Variants in HS3ST4 observed in about 807,000 individuals in gnomAD.
HS3ST4 encodes the protein heparan sulfate glucosamine 3-O-sulfotransferase 4.
HS3ST4 carries 17 observed loss-of-function variants against 29.2 expected under a neutral mutation model. The observed-to-expected ratio is 0.58, with a 90% confidence interval of 0.40 to 0.87. The LOEUF (loss-of-function observed/expected upper bound fraction) is 0.87, where lower values mean the gene tolerates loss of function less well. Ranked by LOEUF, HS3ST4 falls within the 40% of genes least tolerant of loss-of-function variation. The pLI is 0.00. For synonymous variants in HS3ST4, 314 were observed against 285.7 expected (o/e 1.10, Z -1.00); for missense variants, 627 against 634.5 (o/e 0.99, Z 0.13).
At chr16:25,819,559 T>G (rs1278205073) in intron 1 of HS3ST4, among the ~76,000 whole-genome samples, 1 of 152,186 alleles carries the variant, frequency 6.6e-6, no homozygotes, top group Non-Finnish European at 1.5e-5. Flanking sequence ...TTCTAGTCAT[T>G]AATCCTCAGA....
intron 1 of HS3ST4, among the ~76,000 whole-genome samples, chr16:25,753,641 A>G (rs963963403): frequency 6.6e-6 from 1 of 152,160 alleles, no homozygotes; most frequent in East Asian, 1.9e-4. Flanking sequence ...AACGAGTCCT[A>G]GTCTCAAGCC....
At chr16:25,905,011 CT>C (rs777598129) in intron 1 of HS3ST4, among the ~76,000 whole-genome samples, 6 of 152,074 alleles carry the variant, frequency 3.9e-5, no homozygotes, top group Non-Finnish European at 5.9e-5. Flanking sequence ...TGCTTTCTAC[CT>C]TTTAAGACCT....
intron 1 of HS3ST4, among the ~76,000 whole-genome samples, chr16:25,725,571 AATAG>A (rs1966529460): frequency 1.3e-5 from 2 of 152,084 alleles, no homozygotes; most frequent in African/African-American, 4.8e-5. Context: ...AGATAATACT[AATAG>A]TTAAATATAT....
At chr16:26,114,305 G>A (rs994925358) in intron 1 of HS3ST4, among the ~76,000 whole-genome samples, 3 of 152,030 alleles carry the variant, frequency 2.0e-5, no homozygotes, top group Non-Finnish European at 4.4e-5. Flanking sequence ...TTTCTGCTCA[G>A]TTGCACCAAA....
intron 1 of HS3ST4, among the ~76,000 whole-genome samples, chr16:25,866,563 C>T (rs1596596128): frequency 6.6e-6 from 1 of 152,088 alleles, no homozygotes; most frequent in Non-Finnish European, 1.5e-5. Context: ...GAACAGAAAA[C>T]CAAACACAGC....
intron 1 of HS3ST4, among the ~76,000 whole-genome samples, chr16:25,730,816 T>A (rs2141593527): frequency 6.6e-6 from 1 of 151,940 alleles, no homozygotes; most frequent in East Asian, 1.9e-4. Context: ...CTTCTATCCC[T>A]CTTCCCTCCC....
chr16:26,103,867 T>C (rs912712608), intron 1 of HS3ST4, among the ~76,000 whole-genome samples: 5 of 152,164 alleles, frequency 3.3e-5, no homozygotes, highest in African/African-American at 1.2e-4. Flanking sequence ...CAGAAGTAGA[T>C]AAAATATAAG....
At chr16:25,846,806 A>G (rs1256592772) in intron 1 of HS3ST4, among the ~76,000 whole-genome samples, 1 of 152,044 alleles carries the variant, frequency 6.6e-6, no homozygotes, top group East Asian at 1.9e-4. Context: ...TCATTCCCCC[A>G]ACAGTGGAGA....
intron 1 of HS3ST4, among the ~76,000 whole-genome samples, chr16:25,800,960 A>G (rs1247605882): frequency 1.3e-5 from 2 of 152,162 alleles, no homozygotes; most frequent in Non-Finnish European, 2.9e-5. Flanking sequence ...CCTTTCTATT[A>G]TTTATAAATC....
chr16:25,969,339 G>A (rs1161835792), intron 1 of HS3ST4, among the ~76,000 whole-genome samples: 1 of 152,192 alleles, frequency 6.6e-6, no homozygotes, highest in East Asian at 1.9e-4. Flanking sequence ...TATTCCTTGA[G>A]ACAGACAGTT....
intron 1 of HS3ST4, among the ~76,000 whole-genome samples, chr16:25,888,923 C>T (rs1967980901): frequency 6.6e-6 from 1 of 152,082 alleles, no homozygotes; most frequent in African/African-American, 2.4e-5. Flanking sequence ...TTCCAAATTC[C>T]CAGTCATGGC....
intron 1 of HS3ST4, among the ~76,000 whole-genome samples, chr16:25,858,630 A>G (rs1426119128): frequency 6.6e-6 from 1 of 152,024 alleles, no homozygotes; most frequent in Non-Finnish European, 1.5e-5. Context: ...GCTTTCACTG[A>G]TACTTCATTT....
At chr16:25,945,085 C>T (rs1371019903) in intron 1 of HS3ST4, among the ~76,000 whole-genome samples, 1 of 152,110 alleles carries the variant, frequency 6.6e-6, no homozygotes, top group East Asian at 1.9e-4. Flanking sequence ...TTCCAGTTCC[C>T]ACTCCATCCC....
chr16:25,972,952 A>G (rs1968911466), intron 1 of HS3ST4, among the ~76,000 whole-genome samples: 1 of 152,182 alleles, frequency 6.6e-6, no homozygotes, highest in African/African-American at 2.4e-5. Context: ...TTTCCCAGCA[A>G]ATATTTATTG....
At chr16:25,900,988 T>A (rs944875994) in intron 1 of HS3ST4, among the ~76,000 whole-genome samples, 4 of 152,164 alleles carry the variant, frequency 2.6e-5, no homozygotes, top group Admixed American at 2.6e-4. Flanking sequence ...TGATCTTTTA[T>A]TCTGGAAAGT....
intron 1 of HS3ST4, among the ~76,000 whole-genome samples, chr16:26,130,205 A>G (rs1349064073): frequency 2.6e-5 from 4 of 152,174 alleles, no homozygotes; most frequent in African/African-American, 9.7e-5. Context: ...CGCTGATGTC[A>G]CGGCTGCTCT....
intron 1 of HS3ST4, among the ~76,000 whole-genome samples, chr16:25,717,910 G>A (rs1034652131): frequency 1.3e-5 from 2 of 152,138 alleles, no homozygotes; most frequent in Non-Finnish European, 1.5e-5. Flanking sequence ...CATTTCTGGT[G>A]GCTTAGACTA....
intron 1 of HS3ST4, among the ~76,000 whole-genome samples, chr16:26,007,417 C>T (rs1483846367): frequency 6.6e-6 from 1 of 152,216 alleles, no homozygotes; most frequent in Non-Finnish European, 1.5e-5. Context: ...TTGGCTGCAC[C>T]AGTTATCAAC....
At chr16:25,864,232 T>C (rs1053380012) in intron 1 of HS3ST4, among the ~76,000 whole-genome samples, 1 of 152,252 alleles carries the variant, frequency 6.6e-6, no homozygotes, top group Non-Finnish European at 1.5e-5. Context: ...CATGATGTCT[T>C]GATATGCGTA....
Sources: gnomAD v4.1 joint callset for allele counts (sites outside exome capture counted in the v4.1 genomes callset) on GRCh38, gnomAD v4.1.1 for gene constraint, MANE v1.5 for transcripts, NCBI Gene and HGNC (gene_info 2026-07-23, HGNC 2026-07-21) for gene names.